THAP3: variants seen among roughly 807,000 people sequenced by gnomAD.
THAP3 encodes THAP domain-containing protein 3.
Under a neutral mutation model 17.7 loss-of-function variants are expected in THAP3, and 12 were observed. The observed-to-expected ratio is 0.68, with a 90% CI of 0.43 to 1.10. The LOEUF (loss-of-function observed/expected upper bound fraction) is 1.10, where lower values mean the gene tolerates loss of function less well. THAP3 is among the 50% of genes least tolerant of loss of function. THAP3 has a pLI of 0.00. For synonymous variants in THAP3, 133 were observed against 126.9 expected, an observed-to-expected ratio of 1.05 and a Z score of -0.32; for missense variants, 289 against 318.0, an observed-to-expected ratio of 0.91 and a Z score of 0.69.
In THAP3 at chr1:6,630,426, C is replaced by G. The variant is rs1038798559; in HGVS notation, c.333+73C>G. The G allele has an allele frequency of 4.0e-6, 6 of 1,518,796 alleles. No individual in the cohort carries two copies. In the African/African-American group the frequency reaches 8.2e-5, roughly 21 times the overall value. The allele number at this position is 1,518,796 out of a possible 1,614,324, so 94.1% of individuals were successfully genotyped here. ...TTGAGACAGGGAGGTGGGATTTTCC[C>G]AGCAAGGCCGGCCCGCAGGGCTGTC... On this transcript the variant is annotated intron_variant, in intron 4 of 5. Coordinates refer to ENST00000054650, the MANE Select transcript of THAP3 (RefSeq NM_001195753.2).
chr1:6,635,593 G>A, downstream of THAP3: 5 of 1,412,832 alleles, frequency 3.5e-6, no homozygotes, highest in Non-Finnish European at 3.0e-6. Context: ...AACATCTGAT[G>A]TCTGGGTTTT....
intron 2 of THAP3, among the ~76,000 whole-genome samples, chr1:6,627,425 C>T (rs529798973): frequency 1.8e-4 from 27 of 152,190 alleles, no homozygotes; most frequent in African/African-American, 3.9e-4. Context: ...AGTGCAGTGG[C>T]GCAGTCTCGG....
Position 6,633,377 on chromosome 1 carries a change from G to C in THAP3, c.*300G>C. On this transcript the variant is annotated 3_prime_UTR_variant, in exon 6 of 6. Coordinates refer to ENST00000054650, the MANE Select transcript of THAP3 (RefSeq NM_001195753.2). ...ACGCTGTCCTTTCAGCACACGCAGA[G>C]CAAAGATCGTTGGAAGCCCCAGTGT... The C allele has an allele frequency of 7.9e-7, 1 of 1,263,778 alleles. No individual in the cohort carries two copies. The highest frequency in any genetic ancestry group is 1.0e-6 in the Non-Finnish European group (1 of 995,742). 78.3% of individuals were successfully genotyped at this position (1,263,778 alleles called of 1,614,324 possible). A position where few individuals can be genotyped will look rare whatever the true frequency, so the allele number is the denominator to read the frequency against.
downstream of THAP3, chr1:6,634,167 C>T (rs1391190365): frequency 1.5e-6 from 2 of 1,348,598 alleles, no homozygotes; most frequent in Non-Finnish European, 2.1e-6. Context: ...GAGCGCCAGC[C>T]TCTGCTTTCA....
In THAP3 at chr1:6,625,135, C is replaced by T. The variant is rs1039141727; in HGVS notation, c.-69-15C>T. On this transcript the variant is annotated splice_polypyrimidine_tract_variant and intron_variant, in intron 1 of 5. Coordinates refer to ENST00000054650, the MANE Select transcript of THAP3 (RefSeq NM_001195753.2). Reference sequence around the variant, plus strand: ...GCCCGTCACCACCTCCCAGCGGCCCCGCCCCTCCCCGCAGGTCCCTCCCCT... The same window carrying T: ...GCCCGTCACCACCTCCCAGCGGCCCTGCCCCTCCCCGCAGGTCCCTCCCCT... The T allele has an allele frequency of 2.1e-6, 3 of 1,427,302 alleles. No individual in the cohort carries two copies. The highest frequency in any genetic ancestry group is 2.8e-6 in the Non-Finnish European group (3 of 1,063,818). 88.4% of individuals were successfully genotyped at this position (1,427,302 alleles called of 1,614,324 possible).
chr1:6,634,909 G>A, downstream of THAP3: 11 of 1,180,726 alleles, frequency 9.3e-6, no homozygotes, highest in South Asian at 3.1e-5. Context: ...CTGGAGGTGG[G>A]TGGTGCAGGC....
chr1:6,632,046 CA>C (rs35349874), intron 4 of THAP3, among the ~76,000 whole-genome samples: 140 of 111,350 alleles, frequency 1.3e-3, no homozygotes, highest in Admixed American at 1.3e-3. Flanking sequence ...GATTCCGTCT[CA>C]AAAAAAAAAA....
At position 6,633,302 on chromosome 1, in the gene THAP3, C is replaced by T; in HGVS notation, c.*225C>T. 2 of 1,414,250 alleles carry T rather than the reference C, an allele frequency of 1.4e-6. No homozygotes were observed. Among genetic ancestry groups the T allele is most frequent in the Non-Finnish European group, 1.8e-6 (2 of 1,087,694 alleles). 87.6% of individuals were successfully genotyped at this position (1,414,250 alleles called of 1,614,324 possible). A position where few individuals can be genotyped will look rare whatever the true frequency, so the allele number is the denominator to read the frequency against. On this transcript the variant is annotated 3_prime_UTR_variant, in exon 6 of 6. Coordinates refer to ENST00000054650, the MANE Select transcript of THAP3 (RefSeq NM_001195753.2). ...TAGGAGTGCACATCTGTGAGCATGA[C>T]AAGCTTATCCTCCCATGGTAACAGA...
chr1:6,633,467 C>T lies in THAP3; in HGVS notation c.*390C>T, dbSNP rs1244150317. 3 of 1,144,222 alleles carry T rather than the reference C, an allele frequency of 2.6e-6. No individual in the cohort carries two copies. Among genetic ancestry groups the T allele is most frequent in the Non-Finnish European group, 3.2e-6 (3 of 924,580 alleles). 70.9% of individuals were successfully genotyped at this position (1,144,222 alleles called of 1,614,324 possible). ...GGCTCTGTGGCGGGTGAGTGGTCCC[C>T]TCCTCCATCAGCCTGGACAGCCGCT... On this transcript the variant is annotated 3_prime_UTR_variant, in exon 6 of 6. Transcript: ENST00000054650.
chr1:6,633,120 C>A lies in THAP3; in HGVS notation c.*43C>A. 1 of 1,555,476 alleles carries A rather than the reference C, an allele frequency of 6.4e-7. No homozygotes were observed. Among genetic ancestry groups the A allele is most frequent in the Non-Finnish European group, 8.7e-7 (1 of 1,151,296 alleles). ...CGCAGAGGTGGCAGTGGCACCAGGG[C>A]CGGCAGAGCTTTGGAGCTCTGGCTG... is the stretch of plus-strand genomic sequence containing the variant. On this transcript the variant is annotated 3_prime_UTR_variant, in exon 6 of 6. Coordinates refer to ENST00000054650, the MANE Select transcript of THAP3 (RefSeq NM_001195753.2).
chr1:6,633,433 G>A lies in THAP3; in HGVS notation c.*356G>A. On this transcript the variant is annotated 3_prime_UTR_variant, in exon 6 of 6. Transcript: ENST00000054650. ...ATGCTCCTCAGGGAGGAAGCCATGTGAGGGGGCTGGCTCTGTGGCGGGTGA... is the reference window on the plus strand; with the variant it reads ...ATGCTCCTCAGGGAGGAAGCCATGTAAGGGGGCTGGCTCTGTGGCGGGTGA... The A allele has an allele frequency of 8.5e-7, 1 of 1,173,404 alleles. No homozygotes were observed. Among genetic ancestry groups the A allele is most frequent in the Non-Finnish European group, 1.1e-6 (1 of 941,558 alleles). The allele number at this position is 1,173,404 out of a possible 1,614,324, so 72.7% of individuals were successfully genotyped here.
intron 4 of THAP3, among the ~76,000 whole-genome samples, chr1:6,631,082 G>T (rs1015427500): frequency 1.3e-5 from 2 of 151,732 alleles, no homozygotes. Context: ...ATGGCTCGCA[G>T]CAGCCTCAAC....
At chr1:6,634,308 T>C, downstream of THAP3, 6 of 950,978 alleles carry the variant, frequency 6.3e-6, no homozygotes, top group South Asian at 8.7e-5. Flanking sequence ...AACACGACGC[T>C]CACCGCGGCT....
chr1:6,635,313 G>C (rs905442314), downstream of THAP3: 1 of 218,884 alleles, frequency 4.6e-6, no homozygotes, highest in African/African-American at 2.3e-5. Flanking sequence ...TGAGGGCAGG[G>C]TGCTCCACAG....
At chr1:6,630,438 C>A in intron 4 of THAP3, 85 bp downstream of exon 4, 1 of 1,405,288 alleles carries the variant, frequency 7.1e-7, no homozygotes, top group Non-Finnish European at 1.0e-6. Flanking sequence ...GCAAGGCCGG[C>A]CCGCAGGGCT....
downstream of THAP3, chr1:6,633,630 C>T (rs1023003573): frequency 4.6e-5 from 48 of 1,051,150 alleles, no homozygotes; most frequent in African/African-American, 3.0e-4. Flanking sequence ...CTTCCGTGGC[C>T]GGGCGCAGTG....
At chr1:6,632,257 A>C in intron 4 of THAP3, 134 bp from the exon 5 acceptor site, 1 of 1,205,852 alleles carries the variant, frequency 8.3e-7, no homozygotes, top group Non-Finnish European at 1.2e-6. Flanking sequence ...GCTAGGGAGA[A>C]GCTGGCTGTG....
intron 2 of THAP3, among the ~76,000 whole-genome samples, chr1:6,627,433 C>T (rs762907441): frequency 1.3e-5 from 2 of 152,230 alleles, no homozygotes; most frequent in Non-Finnish European, 1.5e-5. Context: ...GGCGCAGTCT[C>T]GGCTCACTGC....
At chr1:6,633,597 G>C (rs993393218), downstream of THAP3, 5 of 1,071,932 alleles carry the variant, frequency 4.7e-6, no homozygotes, top group African/African-American at 1.7e-5. Flanking sequence ...CTCTAGTGCC[G>C]TGATTCCTTC....
Sources: allele counts gnomAD v4.1 joint callset (sites outside exome capture counted in the v4.1 genomes callset), GRCh38; gene constraint gnomAD v4.1.1; transcripts MANE v1.5; gene names NCBI Gene and HGNC (gene_info 2026-07-23, HGNC 2026-07-21).